The following SLC6A5 variants were observed in gnomAD, a reference collection of about 807,000 sequenced individuals.
SLC6A5 encodes the protein solute carrier family 6 member 5, also known as sodium- and chloride-dependent glycine transporter 2.
In SLC6A5, 58 loss-of-function variants were observed where a neutral mutation model predicts 90.5. That is an observed-to-expected ratio of 0.64 (90% CI 0.52 to 0.80). SLC6A5 has a LOEUF of 0.80. SLC6A5 is among the 30% of genes least tolerant of loss of function. The pLI is 0.00. For synonymous variants in SLC6A5, 427 were observed against 401.4 expected (o/e 1.06, Z -0.76); for missense variants, 1,015 against 1,017.6 (o/e 1.00, Z 0.03).
intron 1 of SLC6A5, among the ~76,000 whole-genome samples, chr11:20,600,847 CATT>C (rs1852456590): frequency 6.6e-6 from 1 of 152,210 alleles, no homozygotes; most frequent in Admixed American, 6.5e-5. Flanking sequence ...GGGCTATTTC[CATT>C]CCCCCTTTAC....
chr11:20,654,899 C>T lies in SLC6A5; in HGVS notation c.*31C>T. 6.2e-7 allele frequency: 1 copy of T among 1,608,986 alleles called. No individual in the cohort carries two copies. Among genetic ancestry groups the T allele is most frequent in the Non-Finnish European group, 8.5e-7 (1 of 1,175,308 alleles). On this transcript the variant is annotated 3_prime_UTR_variant, in exon 16 of 16. Transcript: ENST00000525748. ...TGGTGTGGGATGGTCCAGACTTGAT[C>T]CTGTTTTTCCTCTCTGCCTCCTCCT...
At chr11:20,607,325 C>G (rs564357032) in intron 4 of SLC6A5, among the ~76,000 whole-genome samples, 154 bp from the exon 5 acceptor site, 2 of 150,476 alleles carry the variant, frequency 1.3e-5, no homozygotes, top group African/African-American at 5.0e-5. Context: ...CAGCAGAATG[C>G]CTTCATATCC....
intron 10 of SLC6A5, among the ~76,000 whole-genome samples, chr11:20,633,737 G>A (rs1853149693): frequency 6.6e-6 from 1 of 152,182 alleles, no homozygotes; most frequent in Non-Finnish European, 1.5e-5. Context: ...TTGTGTTGAT[G>A]CATTTAATTC....
intron 5 of SLC6A5, 110 bp from the exon 6 acceptor site, chr11:20,614,569 C>T: frequency 9.9e-7 from 1 of 1,005,830 alleles, no homozygotes. Flanking sequence ...AAGGTACTCT[C>T]CAATATTTGC....
At chr11:20,649,156 T>C (rs1251340860) in intron 14 of SLC6A5, among the ~76,000 whole-genome samples, 4 of 152,240 alleles carry the variant, frequency 2.6e-5, no homozygotes, top group African/African-American at 7.2e-5. Flanking sequence ...GGACTTCCTG[T>C]TTTTTGAGAA....
chr11:20,639,560 T>C (rs10833371), intron 13 of SLC6A5, among the ~76,000 whole-genome samples: 45,254 of 151,998 alleles, frequency 0.3, 7,434 homozygotes, highest in South Asian at 0.49. Context: ...GCTCTGGTCT[T>C]TAAACTGGGG....
Position 20,636,287 on chromosome 11 carries a change from A to G in SLC6A5, c.1625-20A>G. On this transcript the variant is annotated intron_variant, in intron 10 of 15. Coordinates refer to ENST00000525748, the MANE Select transcript of SLC6A5 (RefSeq NM_004211.5). ...CCTTGAGTAGGGCCTGCCTGCAATC[A>G]TCTGTCTTGTTCCTTCCAGGGCCAG... 6.6e-7 allele frequency: 1 copy of G among 1,517,616 alleles called. No homozygotes were observed. The highest frequency in any genetic ancestry group is 9.2e-7 in the Non-Finnish European group (1 of 1,091,924). 94.0% of individuals were successfully genotyped at this position (1,517,616 alleles called of 1,614,324 possible).
At chr11:20,622,401 G>A (rs955215438) in intron 7 of SLC6A5, among the ~76,000 whole-genome samples, 3 of 152,150 alleles carry the variant, frequency 2.0e-5, no homozygotes, top group Non-Finnish European at 4.4e-5. Flanking sequence ...GACAGTGAAT[G>A]CCTCTGTAAA....
At chr11:20,651,737 G>C (rs1314172296) in intron 14 of SLC6A5, among the ~76,000 whole-genome samples, 1 of 151,894 alleles carries the variant, frequency 6.6e-6, no homozygotes. Context: ...GTGAAATACT[G>C]TCTCTACTAA....
At chr11:20,624,292 T>G (rs1248563472) in intron 7 of SLC6A5, among the ~76,000 whole-genome samples, 1 of 152,008 alleles carries the variant, frequency 6.6e-6, no homozygotes, top group African/African-American at 2.4e-5. Flanking sequence ...TAGCTGGGAC[T>G]ACAGGCATGC....
At chr11:20,606,322 G>A (rs1229868927) in intron 3 of SLC6A5, among the ~76,000 whole-genome samples, 1 of 152,220 alleles carries the variant, frequency 6.6e-6, no homozygotes, top group Non-Finnish European at 1.5e-5. Context: ...AAATTATCAA[G>A]TGATCGGTGC....
chr11:20,647,368 CTATATATTCCTATTATATAGTTA>C (rs1565289393), intron 14 of SLC6A5, among the ~76,000 whole-genome samples: 1 of 129,092 alleles, frequency 7.7e-6, no homozygotes, highest in Non-Finnish European at 1.7e-5. Context: ...ATATATATAA[CTATATATTCCTATTATATAGTTA>C]TATATATTCC....
intron 15 of SLC6A5, among the ~76,000 whole-genome samples, chr11:20,654,117 G>T (rs988990431): frequency 1.2e-4 from 18 of 152,272 alleles, no homozygotes; most frequent in African/African-American, 4.3e-4. Flanking sequence ...TAGCTTGCCT[G>T]CAAGAACCCA....
chr11:20,653,640 T>C (rs192079224), intron 15 of SLC6A5, among the ~76,000 whole-genome samples: 236 of 152,292 alleles, frequency 1.5e-3, no homozygotes, highest in African/African-American at 5.1e-3. Flanking sequence ...AAAGGAGGTG[T>C]AGGAATCTTT....
chr11:20,604,443 T>C lies in SLC6A5; in HGVS notation c.679+19T>C. 1 of 1,612,236 alleles carries C rather than the reference T, an allele frequency of 6.2e-7. No individual in the cohort carries two copies. Among genetic ancestry groups the C allele is most frequent in the Non-Finnish European group, 8.5e-7 (1 of 1,179,418 alleles). On this transcript the variant is annotated intron_variant, in intron 3 of 15. Coordinates refer to ENST00000525748, the MANE Select transcript of SLC6A5 (RefSeq NM_004211.5). ...GGGGGAGGTATGGCTTTTCCGCTCTTTCCGCCTGCGGCGGGGCGGGGCGGG... is the reference window on the plus strand; with the variant it reads ...GGGGGAGGTATGGCTTTTCCGCTCTCTCCGCCTGCGGCGGGGCGGGGCGGG...
chr11:20,630,420 CACA>C (rs1853086363), intron 9 of SLC6A5, among the ~76,000 whole-genome samples: 1 of 152,184 alleles, frequency 6.6e-6, no homozygotes, highest in Non-Finnish European at 1.5e-5. Flanking sequence ...GGATTCAGAC[CACA>C]GCAGATGAGT....
At position 20,630,783 on chromosome 11, in the gene SLC6A5, G is replaced by A. The variant is rs1216195877; in HGVS notation, c.1592G>A (p.Arg531His). 4 of 1,614,148 alleles carry A rather than the reference G, an allele frequency of 2.5e-6. No individual in the cohort carries two copies. The highest frequency in any genetic ancestry group is 1.7e-5 in the Admixed American group (1 of 60,022). The change falls in exon 10 of 16, where the codon CGC becomes CAC. Residue 531 changes from arginine (R) to histidine (H), a missense_variant. By Grantham distance (29) the Arg-to-His change is conservative (BLOSUM62 0). Transcript: ENST00000525748. ...GTTATCGGCTTCATGGCCAATGAAC[G>A]CAAAGTCAACATTGAGAATGTGGCA... is the stretch of plus-strand genomic sequence containing the variant. Reference protein sequence around the residue: ...FSVIGFMANERKVNIENVADQ... With the variant: ...FSVIGFMANEHKVNIENVADQ...
At chr11:20,651,978 C>T (rs928468058) in intron 14 of SLC6A5, among the ~76,000 whole-genome samples, 15 of 152,074 alleles carry the variant, frequency 9.9e-5, no homozygotes, top group Non-Finnish European at 1.9e-4. Context: ...CTGCCCACCT[C>T]TGCCTATTTG....
At chr11:20,628,270 T>A (rs1388903674) in intron 9 of SLC6A5, among the ~76,000 whole-genome samples, 187 bp downstream of exon 9, 1 of 152,174 alleles carries the variant, frequency 6.6e-6, no homozygotes, top group Non-Finnish European at 1.5e-5. Flanking sequence ...GGACCCTCAC[T>A]TACACACCTG....
Sources: gnomAD v4.1 joint callset for allele counts (sites outside exome capture counted in the v4.1 genomes callset) on GRCh38, gnomAD v4.1.1 for gene constraint, MANE v1.5 for transcripts, NCBI Gene and HGNC (gene_info 2026-07-23, HGNC 2026-07-21) for gene names.